LNX1: variants seen among roughly 807,000 people sequenced by gnomAD.
The protein encoded by LNX1 is E3 ubiquitin-protein ligase LNX.
LNX1 carries 54 observed loss-of-function variants against 68.4 expected under a neutral mutation model. That is an observed-to-expected ratio of 0.79 (90% confidence interval 0.63 to 0.99). The LOEUF is 0.99. Among genes scored for constraint, LNX1 ranks in the 50% least tolerant of loss-of-function variants. The probability of loss-of-function intolerance (pLI) is 0.00; values close to 1 mark genes in which losing one functional copy is unlikely to be tolerated. For synonymous variants in LNX1, 336 were observed against 350.0 expected (o/e 0.96, Z 0.45); for missense variants, 906 against 926.4 (o/e 0.98, Z 0.29).
chr4:53,600,459 G>C (rs1377159168), intron 2 of LNX1, among the ~76,000 whole-genome samples: 3 of 152,266 alleles, frequency 2.0e-5, no homozygotes, highest in African/African-American at 7.2e-5. Context: ...TTCCAAGAAA[G>C]GGCAGGCCCT....
At chr4:53,493,052 C>T (rs1422391058) in intron 6 of LNX1, among the ~76,000 whole-genome samples, 4 of 152,090 alleles carry the variant, frequency 2.6e-5, no homozygotes, top group Admixed American at 2.0e-4. Context: ...TCACTGAAAC[C>T]TCCGCCTCCC....
intron 1 of LNX1, among the ~76,000 whole-genome samples, chr4:53,578,994 G>A (rs537829595): frequency 2.0e-5 from 3 of 152,260 alleles, no homozygotes; most frequent in South Asian, 2.1e-4. Context: ...GATGTATCAC[G>A]TTTTCAGACA....
intron 1 of LNX1, among the ~76,000 whole-genome samples, chr4:53,584,746 T>G (rs1244914699): frequency 1.3e-5 from 2 of 152,196 alleles, no homozygotes; most frequent in Non-Finnish European, 2.9e-5. Flanking sequence ...TTTCACCAAG[T>G]AGAAAAATCC....
chr4:53,533,963 C>T (rs543551585), intron 2 of LNX1, among the ~76,000 whole-genome samples: 1 of 152,326 alleles, frequency 6.6e-6, no homozygotes, highest in South Asian at 2.1e-4. Flanking sequence ...AGCCAACTGA[C>T]ACATCAAGGT....
intron 1 of LNX1, among the ~76,000 whole-genome samples, chr4:53,585,079 C>T (rs932038): frequency 0.98 from 149,855 of 152,288 alleles, 73,773 homozygotes; most frequent in Middle Eastern, 1. Flanking sequence ...TTTGAAAACC[C>T]GTACCTGGAA....
chr4:53,582,859 A>G (rs1731922803), intron 1 of LNX1, among the ~76,000 whole-genome samples: 1 of 152,188 alleles, frequency 6.6e-6, no homozygotes, highest in Admixed American at 6.5e-5. Context: ...ATCCTGGACC[A>G]CGAACAGCAG....
chr4:53,528,997 G>C (rs538739801), intron 2 of LNX1, among the ~76,000 whole-genome samples: 60 of 152,056 alleles, frequency 3.9e-4, no homozygotes, highest in African/African-American at 1.4e-3. Context: ...CAGAGAGAAT[G>C]CATATTGATG....
intron 4 of LNX1, among the ~76,000 whole-genome samples, chr4:53,505,113 T>C (rs1488003156): frequency 1.3e-5 from 2 of 152,236 alleles, no homozygotes; most frequent in African/African-American, 2.4e-5. Context: ...TATTTTATTA[T>C]ATTTTAGTCT....
intron 6 of LNX1, among the ~76,000 whole-genome samples, chr4:53,492,516 A>AGAGAGAGAGAGAGAGAGAGAGAGAGG (rs1724758914): frequency 6.7e-6 from 1 of 149,606 alleles, no homozygotes; most frequent in Non-Finnish European, 1.5e-5. Flanking sequence ...TGAGAGAGAG[A>AGAGAGAGAGAGAGAGAGAGAGAGAGG]GAGAGAGAGA....
intron 1 of LNX1, among the ~76,000 whole-genome samples, chr4:53,581,767 A>T (rs1356651641): frequency 2.0e-5 from 3 of 152,138 alleles, no homozygotes; most frequent in African/African-American, 7.2e-5. Flanking sequence ...GCTACAATAC[A>T]AGATGAGATT....
chr4:53,541,145 AAG>A (rs1491005949), intron 2 of LNX1, among the ~76,000 whole-genome samples: 10 of 104,828 alleles, frequency 9.5e-5, no homozygotes, highest in African/African-American at 2.8e-5. Flanking sequence ...TCAAAAAAAA[AAG>A]AAAAAAAAAA....
At chr4:53,614,916 C>T (rs1440496591) in intron 2 of LNX1, among the ~76,000 whole-genome samples, 9 of 152,136 alleles carry the variant, frequency 5.9e-5, no homozygotes, top group Admixed American at 5.9e-4. Flanking sequence ...TTTTATTTTA[C>T]TAAAACATGT....
chr4:53,479,112 C>T (rs1284649057), intron 7 of LNX1, among the ~76,000 whole-genome samples: 1 of 152,172 alleles, frequency 6.6e-6, no homozygotes. Context: ...GTTGCTCAGG[C>T]TGGTCTGGAA....
chr4:53,619,374 T>G (rs1733786986), upstream of LNX1, among the ~76,000 whole-genome samples: 1 of 152,198 alleles, frequency 6.6e-6, no homozygotes, highest in Admixed American at 6.5e-5. Context: ...TTCCCAGCCC[T>G]GGCAATCACT....
At chr4:53,607,488 C>T (rs1733280821) in intron 2 of LNX1, among the ~76,000 whole-genome samples, 1 of 152,154 alleles carries the variant, frequency 6.6e-6, no homozygotes, top group South Asian at 2.1e-4. Flanking sequence ...AAAAGCATTC[C>T]ATGTTCATAG....
chr4:53,606,060 G>A (rs116743508), intron 2 of LNX1, among the ~76,000 whole-genome samples: 2 of 151,866 alleles, frequency 1.3e-5, no homozygotes, highest in African/African-American at 4.8e-5. Flanking sequence ...AGAGCAAACC[G>A]ACACACAGTT....
intron 1 of LNX1, among the ~76,000 whole-genome samples, chr4:53,581,481 A>C (rs930124759): frequency 4.6e-5 from 7 of 152,130 alleles, no homozygotes; most frequent in Non-Finnish European, 1.0e-4. Context: ...GAAATTACCC[A>C]AGACTGGGTG....
chr4:53,504,412 G>GT (rs1266298319), intron 4 of LNX1, among the ~76,000 whole-genome samples: 1 of 152,232 alleles, frequency 6.6e-6, no homozygotes, highest in Non-Finnish European at 1.5e-5. Context: ...ATCAAAGAAA[G>GT]TTAGGACCTT....
intron 2 of LNX1, 97 bp downstream of exon 2, chr4:53,573,525 AT>A: frequency 1.4e-6 from 1 of 730,674 alleles, no homozygotes; most frequent in Non-Finnish European, 2.3e-6. Flanking sequence ...TGAATGGATC[AT>A]TTCATTGGTT....
Sources: allele counts gnomAD v4.1 joint callset (sites outside exome capture counted in the v4.1 genomes callset), GRCh38; gene constraint gnomAD v4.1.1; transcripts MANE v1.5; gene names NCBI Gene and HGNC (gene_info 2026-07-23, HGNC 2026-07-21).